Variants in PIAS2 observed in about 807,000 individuals in gnomAD.
PIAS2 encodes the protein E3 SUMO-protein ligase PIAS2.
A neutral mutation model predicts 69.7 loss-of-function variants in PIAS2; 19 were observed. The observed-to-expected ratio is 0.27, with a 90% CI of 0.19 to 0.40. PIAS2 has a LOEUF of 0.40. PIAS2 is among the 10% of genes least tolerant of loss of function. The probability of loss-of-function intolerance (pLI) is 1.00; values close to 1 mark genes in which losing one functional copy is unlikely to be tolerated. For missense variants in PIAS2, 624 were observed against 757.0 expected (o/e 0.82, Z 2.06); for synonymous variants, 261 against 263.2 (o/e 0.99, Z 0.08).
intron 12 of PIAS2, chr18:46,816,330 T>A: frequency 1.0e-6 from 1 of 957,740 alleles, no homozygotes; most frequent in Non-Finnish European, 1.2e-6. Context: ...ACTCAAAAAA[T>A]TTAAGTATAT....
intron 5 of PIAS2, among the ~76,000 whole-genome samples, chr18:46,854,260 G>A (rs998446465): frequency 6.6e-6 from 1 of 152,152 alleles, no homozygotes; most frequent in Non-Finnish European, 1.5e-5. Flanking sequence ...TTGGCTACTC[G>A]TGAGTACTGC....
intron 3 of PIAS2, among the ~76,000 whole-genome samples, chr18:46,859,611 CA>C (rs2048367084): frequency 1.3e-5 from 2 of 152,052 alleles, no homozygotes; most frequent in African/African-American, 4.8e-5. Flanking sequence ...GTCTGTTTTT[CA>C]ACTTCGCATC....
rs137886690 is a variant in PIAS2, at chr18:46,848,698, G to A, written c.727-1857C>T. Among the ~76,000 whole-genome samples, 43 of 152,050 alleles carry A rather than the reference G, an allele frequency of 2.8e-4. 1 individual carries two copies. The highest frequency in any genetic ancestry group is 1.0e-3 in the African/African-American group (43 of 41,474). On this transcript the variant is annotated intron_variant, in intron 5 of 13. Transcript: ENST00000585916. Reference sequence around the variant, plus strand: ...GAAAATCATTAAAAACGTTTGAGCAGGGGAATAAAAGACAAAGAGAAGAAC... The same window carrying A: ...GAAAATCATTAAAAACGTTTGAGCAAGGGAATAAAAGACAAAGAGAAGAAC...
At chr18:46,815,666 T>C (rs2041438745) in intron 12 of PIAS2, 2 of 1,030,442 alleles carry the variant, frequency 1.9e-6, no homozygotes, top group South Asian at 8.3e-5. Context: ...ATAAAAATGA[T>C]GAGCTAATGA....
intron 1 of PIAS2, among the ~76,000 whole-genome samples, chr18:46,912,578 A>G (rs2057384279): frequency 6.6e-6 from 1 of 152,246 alleles, no homozygotes; most frequent in South Asian, 2.1e-4. Flanking sequence ...AAAAGTTAAA[A>G]ATAACAGCAA....
chr18:46,914,340 A>G (rs1337495659), intron 1 of PIAS2, among the ~76,000 whole-genome samples: 1 of 152,170 alleles, frequency 6.6e-6, no homozygotes, highest in Non-Finnish European at 1.5e-5. Flanking sequence ...GAACAGAAGT[A>G]GAGACCTAAA....
At chr18:46,884,398 C>T (rs141196475) in intron 2 of PIAS2, among the ~76,000 whole-genome samples, 6,110 of 151,884 alleles carry the variant, frequency 0.04, 225 homozygotes, top group Non-Finnish European at 0.056. Flanking sequence ...CTGCAAGCTC[C>T]GCCTCCCAGA....
chr18:46,829,910 T>C (rs780314632), intron 9 of PIAS2, 43 bp from the exon 10 acceptor site: 4 of 1,559,888 alleles, frequency 2.6e-6, no homozygotes, highest in Non-Finnish European at 3.5e-6. Flanking sequence ...TCAACAGCTT[T>C]GCCTAAAGGT....
intron 3 of PIAS2, among the ~76,000 whole-genome samples, chr18:46,862,833 G>A (rs2048881532): frequency 6.6e-6 from 1 of 151,986 alleles, no homozygotes; most frequent in Non-Finnish European, 1.5e-5. Context: ...AGCTTTCCGA[G>A]TAGCAGGGAT....
chr18:46,884,915 C>A (rs1290197570), intron 2 of PIAS2, among the ~76,000 whole-genome samples: 49 of 139,324 alleles, frequency 3.5e-4, no homozygotes, highest in South Asian at 6.8e-4. Context: ...AAATCTGTCT[C>A]AAAAAAAAAA....
chr18:46,817,055 AT>A (rs2041638476), intron 12 of PIAS2: 1 of 938,006 alleles, frequency 1.1e-6, no homozygotes, highest in Non-Finnish European at 1.3e-6. Flanking sequence ...TTATTGGAAC[AT>A]TTTGTTCTGC....
At chr18:46,874,469 G>A (rs1479929971) in intron 2 of PIAS2, among the ~76,000 whole-genome samples, 4 of 152,038 alleles carry the variant, frequency 2.6e-5, no homozygotes, top group South Asian at 2.1e-4. Context: ...GAAATAAGAT[G>A]GGAATACCAT....
intron 3 of PIAS2, among the ~76,000 whole-genome samples, chr18:46,863,893 C>CA (rs2049032853): frequency 6.6e-6 from 1 of 152,026 alleles, no homozygotes. Flanking sequence ...GGTAGGTCCC[C>CA]AATCCAATAT....
intron 3 of PIAS2, among the ~76,000 whole-genome samples, chr18:46,855,997 GTTTTTTTTTTTTTT>G (rs1171297653): frequency 7.4e-5 from 5 of 67,966 alleles, no homozygotes; most frequent in South Asian, 6.6e-4. Flanking sequence ...TTTTTCTTTT[GTTTTTTTTTTTTTT>G]TTTTTTTTTT....
At chr18:46,824,215 T>C (rs935686630) in intron 11 of PIAS2, among the ~76,000 whole-genome samples, 2 of 152,202 alleles carry the variant, frequency 1.3e-5, no homozygotes, top group Non-Finnish European at 2.9e-5. Context: ...GAAACTCACA[T>C]TTGCTCAGAC....
chr18:46,904,410 G>C (rs890568681), intron 1 of PIAS2, among the ~76,000 whole-genome samples: 3 of 151,926 alleles, frequency 2.0e-5, no homozygotes, highest in African/African-American at 7.3e-5. Context: ...AAAATGTAAC[G>C]GTGAGGAGAA....
intron 2 of PIAS2, among the ~76,000 whole-genome samples, chr18:46,867,048 G>A (rs72909201): frequency 0.041 from 6,241 of 152,078 alleles, 172 homozygotes; most frequent in Non-Finnish European, 0.065. Context: ...TGTTCAACAT[G>A]TACTTTTATA....
At chr18:46,891,177 C>T in intron 1 of PIAS2, 123 bp from the exon 2 acceptor site, 1 of 705,278 alleles carries the variant, frequency 1.4e-6, no homozygotes, top group South Asian at 1.6e-5. Flanking sequence ...CTAGTAACAG[C>T]ATTTCACATA....
chr18:46,870,048 C>G (rs747033530), intron 2 of PIAS2, among the ~76,000 whole-genome samples: 1 of 152,084 alleles, frequency 6.6e-6, no homozygotes, highest in South Asian at 2.1e-4. Flanking sequence ...CACAGGACCC[C>G]CTTCACTCAA....
Sources: gnomAD v4.1 joint callset for allele counts (sites outside exome capture counted in the v4.1 genomes callset) on GRCh38, gnomAD v4.1.1 for gene constraint, MANE v1.5 for transcripts, NCBI Gene and HGNC (gene_info 2026-07-23, HGNC 2026-07-21) for gene names.